The following CYP11A1 variants were observed in gnomAD, a reference collection of about 807,000 sequenced individuals.
CYP11A1 encodes cytochrome P450 family 11 subfamily A member 1, also known as cholesterol side-chain cleavage enzyme, mitochondrial.
CYP11A1 carries 25 observed loss-of-function variants against 51.9 expected under a neutral mutation model. The ratio of observed to expected loss-of-function variants is 0.48; its 90% confidence interval spans 0.35 to 0.67. The LOEUF is 0.67. Ranked by LOEUF, CYP11A1 falls within the 30% of genes least tolerant of loss-of-function variation. The pLI is 0.00. For synonymous variants in CYP11A1, 245 were observed against 262.1 expected (o/e 0.93, Z 0.63); for missense variants, 578 against 680.9 (o/e 0.85, Z 1.68).
chr15:74,351,397 G>A (rs1303470134), intron 1 of CYP11A1, among the ~76,000 whole-genome samples: 1 of 152,114 alleles, frequency 6.6e-6, no homozygotes, highest in African/African-American at 2.4e-5. Context: ...AAATGTTTCT[G>A]GGGGCTTAAA....
chr15:74,360,451 T>A (rs2060702938), intron 1 of CYP11A1, among the ~76,000 whole-genome samples: 1 of 151,884 alleles, frequency 6.6e-6, no homozygotes, highest in South Asian at 2.1e-4. Context: ...TGGCTAATTT[T>A]TTATTATTAT....
intron 5 of CYP11A1, among the ~76,000 whole-genome samples, chr15:74,340,952 C>A (rs1441354260): frequency 6.6e-6 from 1 of 152,206 alleles, no homozygotes; most frequent in Non-Finnish European, 1.5e-5. Flanking sequence ...AATTCCCTTC[C>A]CCGCCTAAGA....
Position 74,357,301 on chromosome 15 carries a change from C to T in CYP11A1, c.270-9246G>A, listed in dbSNP as rs150183240. ...TGGGCTGTACTGCTGCAAGTCTTCA[C>T]GGACAGGCCCCATTACTTCAGTGAA... On this transcript the variant is annotated intron_variant, in intron 1 of 8. Coordinates refer to ENST00000268053, the MANE Select transcript of CYP11A1 (RefSeq NM_000781.3). Among the ~76,000 whole-genome samples, 158 of 152,292 alleles carry T rather than the reference C, an allele frequency of 1.0e-3. 1 individual carries two copies. In the East Asian group the frequency reaches 0.027, roughly 26 times the overall value.
intron 1 of CYP11A1, among the ~76,000 whole-genome samples, chr15:74,350,579 C>G (rs1411044650): frequency 6.6e-6 from 1 of 152,164 alleles, no homozygotes; most frequent in Non-Finnish European, 1.5e-5. Flanking sequence ...GGTCTGGAGG[C>G]AGGGAACATA....
intron 5 of CYP11A1, among the ~76,000 whole-genome samples, chr15:74,340,085 GC>G (rs1431425453): frequency 1.3e-5 from 2 of 152,134 alleles, no homozygotes; most frequent in Non-Finnish European, 2.9e-5. Flanking sequence ...AATTCCAGAG[GC>G]CCTTAGAGGC....
chr15:74,348,156 G>C (rs2060640792), intron 1 of CYP11A1, 101 bp from the exon 2 acceptor site: 1 of 1,402,078 alleles, frequency 7.1e-7, no homozygotes, highest in African/African-American at 1.4e-5. Flanking sequence ...GCTGACTGTG[G>C]GACCTGAGTC....
At chr15:74,358,574 G>A (rs2060692433) in intron 1 of CYP11A1, among the ~76,000 whole-genome samples, 1 of 152,144 alleles carries the variant, frequency 6.6e-6, no homozygotes. Flanking sequence ...ATCAAGCTCA[G>A]GGATTTGCCT....
chr15:74,346,360 AAAAAAAAAAAAAAG>A (rs1282349439), intron 2 of CYP11A1, among the ~76,000 whole-genome samples: 1 of 150,400 alleles, frequency 6.6e-6, no homozygotes, highest in Non-Finnish European at 1.5e-5. Context: ...CTCAAAAAAA[AAAAAAAAAAAAAAG>A]AAAGAAAGAA....
chr15:74,364,849 C>T (rs1052745954), intron 1 of CYP11A1, among the ~76,000 whole-genome samples: 14 of 152,082 alleles, frequency 9.2e-5, no homozygotes, highest in African/African-American at 1.4e-4. Flanking sequence ...AGAGACCCAG[C>T]GGGGCGCAAC....
chr15:74,351,224 G>A (rs2060654877), intron 1 of CYP11A1, among the ~76,000 whole-genome samples: 1 of 151,916 alleles, frequency 6.6e-6, no homozygotes, highest in South Asian at 2.1e-4. Flanking sequence ...CTGTTTCCTA[G>A]TAGCTCCTTG....
intron 1 of CYP11A1, among the ~76,000 whole-genome samples, chr15:74,352,920 C>A (rs1373126366): frequency 1.3e-5 from 2 of 152,150 alleles, no homozygotes; most frequent in Non-Finnish European, 2.9e-5. Flanking sequence ...TTTTGGCACT[C>A]ATTTAATATC....
intron 5 of CYP11A1, among the ~76,000 whole-genome samples, chr15:74,341,970 C>T (rs915992432): frequency 2.0e-5 from 3 of 152,192 alleles, no homozygotes; most frequent in African/African-American, 7.2e-5. Context: ...GCCTCCGGAA[C>T]TGTGAGAAAA....
chr15:74,361,712 C>G, intron 1 of CYP11A1: 2 of 1,252,574 alleles, frequency 1.6e-6, no homozygotes, highest in Non-Finnish European at 2.3e-6. Flanking sequence ...CCTGCTTTCA[C>G]ATAATTATTC....
rs199673149 is a variant in CYP11A1 at position 74,343,889 on chromosome 15, G to A, written c.729C>T (p.Thr243=). 2 of 1,614,040 alleles carry A rather than the reference G, an allele frequency of 1.2e-6. No homozygotes were observed. Among genetic ancestry groups the A allele is most frequent in the East Asian group, 2.2e-5 (1 of 44,880 alleles). The change falls in exon 4 of 9, where the codon ACC becomes ACT. Residue 243 remains threonine (T), a synonymous_variant. Coordinates refer to ENST00000268053, the MANE Select transcript of CYP11A1 (RefSeq NM_000781.3). The part of the protein sequence containing the change: ...FIDAIYQMFH[T]SVPMLNLPPD... Reference sequence around the variant, plus strand: ...GGGGAAGGTTGAGCATGGGGACGCTGGTGTGGAACATCTGGTAGATGGCAT... The same window carrying A: ...GGGGAAGGTTGAGCATGGGGACGCTAGTGTGGAACATCTGGTAGATGGCAT...
At chr15:74,355,441 G>A (rs950640065) in intron 1 of CYP11A1, among the ~76,000 whole-genome samples, 3 of 151,940 alleles carry the variant, frequency 2.0e-5, no homozygotes, top group Non-Finnish European at 2.9e-5. Flanking sequence ...AATGCAATTG[G>A]TCCCAAATCT....
At chr15:74,353,303 A>G (rs1437008047) in intron 1 of CYP11A1, among the ~76,000 whole-genome samples, 2 of 152,256 alleles carry the variant, frequency 1.3e-5, no homozygotes, top group African/African-American at 4.8e-5. Context: ...AACCTGATAA[A>G]GAATTGGAAA....
At chr15:74,354,949 T>C (rs1360570086) in intron 1 of CYP11A1, among the ~76,000 whole-genome samples, 1 of 152,104 alleles carries the variant, frequency 6.6e-6, no homozygotes, top group Non-Finnish European at 1.5e-5. Context: ...TTCAGAGGTG[T>C]TTGATCACCA....
intron 3 of CYP11A1, among the ~76,000 whole-genome samples, chr15:74,344,370 G>A (rs1313624505): frequency 6.6e-6 from 1 of 152,150 alleles, no homozygotes; most frequent in East Asian, 1.9e-4. Flanking sequence ...AGGTCAGAAA[G>A]GAGACTGAGG....
chr15:74,347,980 G>A lies in CYP11A1; in HGVS notation c.345C>T (p.Gly115=). The stretch of plus-strand genomic sequence containing the variant: ...GGATGAGGAATCGTTCTGGGTTGGG[G>A]CCCTCGGACTTAAAGAGAAGGGCCA... ...EDVALLFKSE[G]PNPERFLIPP... The change falls in exon 2 of 9, where the codon GGC becomes GGT. Residue 115 remains glycine (G), a synonymous_variant. Transcript: ENST00000268053. 6.2e-7 allele frequency: 1 copy of A among 1,614,182 alleles called. No individual in the cohort carries two copies. The highest frequency in any genetic ancestry group is 8.5e-7 in the Non-Finnish European group (1 of 1,180,010).
Sources: gnomAD v4.1 joint callset for allele counts (sites outside exome capture counted in the v4.1 genomes callset) on GRCh38, gnomAD v4.1.1 for gene constraint, MANE v1.5 for transcripts, NCBI Gene and HGNC (gene_info 2026-07-23, HGNC 2026-07-21) for gene names.